PIKFYVE: variants seen among roughly 807,000 people sequenced by gnomAD.
The protein encoded by PIKFYVE is 1-phosphatidylinositol 3-phosphate 5-kinase.
A neutral mutation model predicts 257.9 loss-of-function variants in PIKFYVE; 122 were observed. The ratio of observed to expected loss-of-function variants is 0.47; its 90% CI spans 0.41 to 0.55. PIKFYVE has a LOEUF of 0.55. PIKFYVE is among the 20% of genes least tolerant of loss of function. The probability of loss-of-function intolerance (pLI) is 0.00; values close to 1 mark genes in which losing one functional copy is unlikely to be tolerated. For synonymous variants in PIKFYVE, 892 were observed against 868.9 expected (o/e 1.03, Z -0.47); for missense variants, 2,160 against 2,536.6 (o/e 0.85, Z 3.19).
chr2:208,302,584 G>T, intron 10 of PIKFYVE: 1 of 496,434 alleles, frequency 2.0e-6, no homozygotes, highest in Admixed American at 3.2e-5. Context: ...CAATAAAAAA[G>T]GAAAAAGATA....
At chr2:208,322,204 ACT>A (rs1213776445) in intron 17 of PIKFYVE, among the ~76,000 whole-genome samples, 1 of 151,496 alleles carries the variant, frequency 6.6e-6, no homozygotes, top group Non-Finnish European at 1.5e-5. Context: ...ACATAGTGAG[ACT>A]CTGTTCCTAC....
chr2:208,347,558 A>T (rs1699342052), intron 34 of PIKFYVE, among the ~76,000 whole-genome samples: 1 of 152,174 alleles, frequency 6.6e-6, no homozygotes, highest in Non-Finnish European at 1.5e-5. Flanking sequence ...ATATTTTTGA[A>T]AGGCTTTCTA....
intron 7 of PIKFYVE, among the ~76,000 whole-genome samples, chr2:208,296,799 ATATGT>A (rs1481650636): frequency 1.3e-5 from 2 of 151,112 alleles, no homozygotes; most frequent in East Asian, 1.9e-4. Flanking sequence ...TATGCTGCTG[ATATGT>A]TAAGTAAGAT....
chr2:208,326,422 C>T lies in PIKFYVE; in HGVS notation c.3611C>T (p.Ser1204Leu). The change falls in exon 20 of 42, where the codon TCA (serine) becomes TTA (leucine). Residue 1204 changes from serine (S) to leucine (L), a missense_variant. By Grantham distance (145) the Ser-to-Leu change is moderately radical (BLOSUM62 -2). This residue lies in a region of PIKFYVE where 522 missense variants were observed against 514.6 expected (regional missense o/e 1.01). Transcript: ENST00000264380. ...RGLILSDAVW[S>L]TKVDCLNPIN... ...CTTATTCTGAGTGATGCTGTGTGGT[C>T]AACAAAGGTGAGCCAGACCACTTTC... The T allele has an allele frequency of 2.5e-6, 4 of 1,613,882 alleles. No homozygotes were observed. Among genetic ancestry groups the T allele is most frequent in the Non-Finnish European group, 2.5e-6 (3 of 1,179,922 alleles).
At chr2:208,306,992 T>G (rs1056275154) in intron 12 of PIKFYVE, among the ~76,000 whole-genome samples, 1 of 152,182 alleles carries the variant, frequency 6.6e-6, no homozygotes, top group African/African-American at 2.4e-5. Context: ...TTGGCCAGGC[T>G]GGTCTTGAAC....
intron 1 of PIKFYVE, among the ~76,000 whole-genome samples, chr2:208,268,719 A>G (rs1689015470): frequency 6.6e-6 from 1 of 151,922 alleles, no homozygotes; most frequent in Non-Finnish European, 1.5e-5. Flanking sequence ...AGTGGAAGAT[A>G]TTAGAAACCT....
In PIKFYVE at chr2:208,350,849, T is replaced by C. The variant is rs1699710457; in HGVS notation, c.5513T>C (p.Leu1838Pro). 6.2e-7 allele frequency: 1 copy of C among 1,614,094 alleles called. No individual in the cohort carries two copies. Among genetic ancestry groups the C allele is most frequent in the Non-Finnish European group, 8.5e-7 (1 of 1,180,048 alleles). Residue 1838 changes from leucine to proline, a missense_variant, in exon 37 of 42, where the codon CTG becomes CCG. Physicochemically the swap from Leu to Pro is moderately conservative, Grantham distance 98. This residue lies in a region of PIKFYVE where 699 missense variants were observed against 855.8 expected (regional missense o/e 0.82). Transcript: ENST00000264380. ...TTTCATAAGATGCGTGAAGTGATTCTGGACAGCAGTGAAGAAGATTTCATT... is the reference window on the plus strand; with the variant it reads ...TTTCATAAGATGCGTGAAGTGATTCCGGACAGCAGTGAAGAAGATTTCATT... ...GEFHKMREVI[L>P]DSSEEDFIRS...
In PIKFYVE at chr2:208,333,315, GT is replaced by G; in HGVS notation, c.3965del (p.Val1322GlufsTer84). 6.2e-7 allele frequency: 1 copy of G among 1,613,860 alleles called. No individual in the cohort carries two copies. The highest frequency in any genetic ancestry group is 8.5e-7 in the Non-Finnish European group (1 of 1,179,894). On this transcript the variant is annotated frameshift_variant and splice_region_variant, in exon 24 of 42. Transcript: ENST00000264380. LOFTEE classifies it high-confidence loss of function. ...TYSWCRICKQ[V>X]TPVVALSNES... ...GTAAACTATTTTTGCTGAATTCCAG[GT>G]AACACCAGTTGTTGCTCTTTCCAAT...
chr2:208,351,446 T>G lies in PIKFYVE; in HGVS notation c.5706T>G (p.Val1902=). ...PHYFNYITNA[V]QQKRPTALAK... is the part of the protein sequence containing the mutation. The stretch of plus-strand genomic sequence containing the variant: ...ACTTCAATTATATTACAAATGCTGT[T>G]CAACAAAAGGTAGAAATCTAAAACC... The change falls in exon 38 of 42, where the codon GTT becomes GTG. Residue 1902 remains valine, a synonymous_variant. Transcript: ENST00000264380. The G allele has an allele frequency of 6.2e-7, 1 of 1,607,762 alleles. No individual in the cohort carries two copies. The highest frequency in any genetic ancestry group is 8.5e-7 in the Non-Finnish European group (1 of 1,174,150).
intron 25 of PIKFYVE, 105 bp from the exon 26 acceptor site, chr2:208,335,688 A>G (rs1698060298): frequency 1.0e-6 from 1 of 984,060 alleles, no homozygotes; most frequent in Non-Finnish European, 1.6e-6. Context: ...ATTAGGTAAA[A>G]CATAATTTCA....
In PIKFYVE at chr2:208,304,211, C is replaced by T; in HGVS notation, c.1361C>T (p.Ser454Leu). The T allele has an allele frequency of 6.2e-7, 1 of 1,614,142 alleles. No homozygotes were observed. Among genetic ancestry groups the T allele is most frequent in the Non-Finnish European group, 8.5e-7 (1 of 1,180,012 alleles). Residue 454 changes from serine to leucine, a missense_variant, in exon 11 of 42, where the codon TCA (serine) becomes TTA (leucine). Transcript: ENST00000264380. Reference sequence around the variant, plus strand: ...GAGACGCCTTCTCCCGACAGTGACTCAGTGAACTCCGTGGAAGGACACTCT... The same window carrying T: ...GAGACGCCTTCTCCCGACAGTGACTTAGTGAACTCCGTGGAAGGACACTCT... ...FSETPSPDSD[S>L]VNSVEGHSEP...
At chr2:208,321,641 A>C (rs1251410295) in intron 17 of PIKFYVE, among the ~76,000 whole-genome samples, 2 of 140,264 alleles carry the variant, frequency 1.4e-5, no homozygotes, top group Admixed American at 1.6e-4. Flanking sequence ...GCAATGGTGC[A>C]ATCTTGGCTC....
At chr2:208,297,934 C>G (rs1693186318) in intron 7 of PIKFYVE, among the ~76,000 whole-genome samples, 1 of 151,520 alleles carries the variant, frequency 6.6e-6, no homozygotes, top group African/African-American at 2.4e-5. Context: ...TGAGAAGAAA[C>G]AAATTTCTTG....
chr2:208,354,935 C>T (rs537625614), intron 41 of PIKFYVE, among the ~76,000 whole-genome samples: 1 of 152,296 alleles, frequency 6.6e-6, no homozygotes, highest in East Asian at 1.9e-4. Flanking sequence ...GTTCTCTAAG[C>T]ACTGTTAGCC....
At chr2:208,277,481 T>C in intron 4 of PIKFYVE, 56 bp from the exon 5 acceptor site, 1 of 1,571,912 alleles carries the variant, frequency 6.4e-7, no homozygotes, top group South Asian at 1.1e-5. Flanking sequence ...TCATTTGCCA[T>C]TGCATATTAA....
At chr2:208,351,271 A>G in intron 37 of PIKFYVE, 81 bp from the exon 38 acceptor site, 2 of 1,163,504 alleles carry the variant, frequency 1.7e-6, no homozygotes, top group Non-Finnish European at 2.6e-6. Context: ...CAACCTAATC[A>G]TTTAGGATCT....
Position 208,271,518 on chromosome 2 carries a change from A to G in PIKFYVE, c.-2A>G. On this transcript the variant is annotated 5_prime_UTR_variant, in exon 2 of 42. Transcript: ENST00000264380. ...GTTTCTTTTGTTTTTCAGACTCATG[A>G]AATGGCCACAGATGATAAGACGTCC... 6.2e-7 allele frequency: 1 copy of G among 1,614,122 alleles called. No individual in the cohort carries two copies.
At chr2:208,280,180 G>A (rs1475271790) in intron 5 of PIKFYVE, among the ~76,000 whole-genome samples, 1 of 152,080 alleles carries the variant, frequency 6.6e-6, no homozygotes, top group Non-Finnish European at 1.5e-5. Flanking sequence ...AGCTTCCTAG[G>A]TCTGCCATAA....
chr2:208,280,239 A>T (rs1204241929), intron 5 of PIKFYVE, among the ~76,000 whole-genome samples: 1 of 152,206 alleles, frequency 6.6e-6, no homozygotes, highest in Admixed American at 6.5e-5. Flanking sequence ...TGTATGTCTC[A>T]TAGTTCTGGA....
Sources: gnomAD v4.1 joint callset for allele counts (sites outside exome capture counted in the v4.1 genomes callset) on GRCh38, gnomAD v4.1.1 for gene constraint, gnomAD v4.1.1 regional missense constraint, MANE v1.5 for transcripts, NCBI Gene and HGNC (gene_info 2026-07-23, HGNC 2026-07-21) for gene names.